The following SLC12A8 variants were observed in gnomAD, a reference collection of about 807,000 sequenced individuals.
The protein encoded by SLC12A8 is solute carrier family 12 member 8.
A neutral mutation model predicts 75.6 loss-of-function variants in SLC12A8; 69 were observed. The observed-to-expected ratio is 0.91, with a 90% CI of 0.75 to 1.11. SLC12A8 has a LOEUF of 1.11. Among genes scored for constraint, SLC12A8 ranks in the 50% most tolerant of loss-of-function variants. The pLI is 0.00. For missense variants in SLC12A8, 877 were observed against 896.7 expected, an observed-to-expected ratio of 0.98 and a Z score of 0.28; for synonymous variants, 365 against 372.8, an observed-to-expected ratio of 0.98 and a Z score of 0.24.
chr3:125,146,159 T>A (rs1933769218), intron 5 of SLC12A8, among the ~76,000 whole-genome samples: 1 of 152,256 alleles, frequency 6.6e-6, no homozygotes, highest in Non-Finnish European at 1.5e-5. Flanking sequence ...ATACTATTTT[T>A]ATCTATTTTT....
chr3:125,137,551 A>G (rs2107762171), intron 5 of SLC12A8, among the ~76,000 whole-genome samples: 1 of 152,186 alleles, frequency 6.6e-6, no homozygotes, highest in Non-Finnish European at 1.5e-5. Flanking sequence ...ACTAATGTGC[A>G]GGTCGGAAAG....
chr3:125,184,217 T>C (rs189988292), intron 4 of SLC12A8, among the ~76,000 whole-genome samples: 1 of 151,920 alleles, frequency 6.6e-6, no homozygotes, highest in East Asian at 2.0e-4. Context: ...GTGATCCACC[T>C]GCCTTGACCT....
In SLC12A8 at chr3:125,091,439, C is replaced by T. The variant is rs200996411; in HGVS notation, c.1921G>A (p.Gly641Arg). ...GTGGCAAAATGGCTCTGCTGCTTACCAAGGTGAAGCCCTGGACTGGCCCGG... is the reference window on the plus strand; with the variant it reads ...GTGGCAAAATGGCTCTGCTGCTTACTAAGGTGAAGCCCTGGACTGGCCCGG... ...IGRASPGLHLGSASNFSFFRW... is the reference protein window; with the variant it reads ...IGRASPGLHLRSASNFSFFRW... Residue 641 changes from glycine to arginine, a missense_variant and splice_region_variant, in exon 12 of 14, where the codon GGA (glycine) becomes AGA (arginine). Gly to Arg is a moderately radical substitution (Grantham distance 125). Coordinates refer to ENST00000469902, the MANE Select transcript of SLC12A8 (RefSeq NM_024628.6). 735 of 1,611,016 alleles carry T rather than the reference C, an allele frequency of 4.6e-4. No individual in the cohort carries two copies. The highest frequency in any genetic ancestry group is 6.0e-4 in the Non-Finnish European group (711 of 1,177,480).
chr3:125,104,386 G>A (rs1268822056), intron 10 of SLC12A8, among the ~76,000 whole-genome samples: 1 of 151,974 alleles, frequency 6.6e-6, no homozygotes, highest in Admixed American at 6.6e-5. Flanking sequence ...TGGGATTACA[G>A]GTATGAGCCA....
At chr3:125,123,942 T>A (rs1036609833) in intron 6 of SLC12A8, among the ~76,000 whole-genome samples, 1 of 152,178 alleles carries the variant, frequency 6.6e-6, no homozygotes, top group African/African-American at 2.4e-5. Flanking sequence ...CACAGCAATA[T>A]ATGCTTCTGT....
At chr3:125,108,392 CG>C (rs1939098373) in intron 9 of SLC12A8, among the ~76,000 whole-genome samples, 1 of 151,038 alleles carries the variant, frequency 6.6e-6, no homozygotes, top group Admixed American at 6.6e-5. Flanking sequence ...TTTTTGAGAC[CG>C]GGTCTGGCTC....
chr3:125,187,330 G>T lies in SLC12A8; in HGVS notation c.297C>A (p.Ser99Arg). 1 of 1,614,236 alleles carries T rather than the reference G, an allele frequency of 6.2e-7. No individual in the cohort carries two copies. The highest frequency in any genetic ancestry group is 1.3e-5 in the African/African-American group (1 of 75,066). ...VLSGIGVGER[S>R]SIGSGGVYSM... ...AGTAGACGCCACCGCTGCCGATGCT[G>T]CTGCGCTCCCCGACGCCAATGCCAG... Residue 99 changes from serine to arginine, a missense_variant, in exon 4 of 14, where the codon AGC becomes AGA. Physicochemically the swap from Ser to Arg is moderately radical, Grantham distance 110. Coordinates refer to ENST00000469902, the MANE Select transcript of SLC12A8 (RefSeq NM_024628.6).
intron 5 of SLC12A8, among the ~76,000 whole-genome samples, chr3:125,173,555 A>G (rs1934454796): frequency 6.6e-6 from 1 of 152,148 alleles, no homozygotes; most frequent in Non-Finnish European, 1.5e-5. Flanking sequence ...ATGTCAAACA[A>G]AACTTCTAGA....
intron 10 of SLC12A8, among the ~76,000 whole-genome samples, chr3:125,101,176 TCTGA>T (rs911169987): frequency 6.6e-6 from 1 of 152,212 alleles, no homozygotes; most frequent in African/African-American, 2.4e-5. Context: ...GGGTTCAAAT[TCTGA>T]CTGTCTCCTA....
At chr3:125,097,632 CA>C (rs1257243015) in intron 10 of SLC12A8, among the ~76,000 whole-genome samples, 2 of 151,188 alleles carry the variant, frequency 1.3e-5, no homozygotes, top group Admixed American at 6.6e-5. Flanking sequence ...TAGGCAGCCA[CA>C]ATGCTGTTTT....
At chr3:125,194,083 G>A (rs138381241) in intron 2 of SLC12A8, among the ~76,000 whole-genome samples, 17 of 152,360 alleles carry the variant, frequency 1.1e-4, no homozygotes, top group Middle Eastern at 3.4e-3. Context: ...AGAGGATGAG[G>A]GGGATAAGAA....
intron 8 of SLC12A8, among the ~76,000 whole-genome samples, chr3:125,116,525 G>C (rs1266721553): frequency 6.6e-6 from 1 of 152,130 alleles, no homozygotes; most frequent in African/African-American, 2.4e-5. Context: ...CATTAGGTGT[G>C]GGATTTCCAC....
chr3:125,141,166 G>T (rs928693594), intron 5 of SLC12A8, among the ~76,000 whole-genome samples: 1 of 148,560 alleles, frequency 6.7e-6, no homozygotes, highest in African/African-American at 2.5e-5. Flanking sequence ...ACAAAAAGGG[G>T]GGTGGGGTGG....
At chr3:125,174,515 A>G (rs1579523950) in intron 5 of SLC12A8, among the ~76,000 whole-genome samples, 1 of 152,348 alleles carries the variant, frequency 6.6e-6, no homozygotes, top group African/African-American at 2.4e-5. Context: ...GTATCCTCAC[A>G]AAAACCTGAA....
intron 5 of SLC12A8, among the ~76,000 whole-genome samples, chr3:125,159,537 G>A (rs1470882873): frequency 6.6e-6 from 1 of 152,258 alleles, no homozygotes; most frequent in African/African-American, 2.4e-5. Flanking sequence ...TCAGCAGAGA[G>A]AAAATCTGAG....
chr3:125,205,574 T>C (rs1047709496), intron 2 of SLC12A8, among the ~76,000 whole-genome samples: 1 of 152,208 alleles, frequency 6.6e-6, no homozygotes, highest in Admixed American at 6.5e-5. Flanking sequence ...GATGTCAGTG[T>C]GCATATGAAA....
intron 8 of SLC12A8, among the ~76,000 whole-genome samples, chr3:125,112,126 C>T (rs1939203111): frequency 6.6e-6 from 1 of 152,170 alleles, no homozygotes; most frequent in South Asian, 2.1e-4. Flanking sequence ...GTACTCTCTC[C>T]CTTCAAGACC....
intron 6 of SLC12A8, chr3:125,125,981 G>A: frequency 1.0e-6 from 1 of 974,896 alleles, no homozygotes; most frequent in Non-Finnish European, 1.2e-6. Context: ...TGGATTGATG[G>A]CATTTCTGGG....
chr3:125,092,243 TCTA>T (rs1938600102), intron 10 of SLC12A8, 45 bp from the exon 11 acceptor site: 1 of 1,417,384 alleles, frequency 7.1e-7, no homozygotes, highest in Non-Finnish European at 9.9e-7. Context: ...CTATCAACTC[TCTA>T]CTGTTTTTTA....
Sources: allele counts gnomAD v4.1 joint callset (sites outside exome capture counted in the v4.1 genomes callset), GRCh38; gene constraint gnomAD v4.1.1; transcripts MANE v1.5; gene names NCBI Gene and HGNC (gene_info 2026-07-23, HGNC 2026-07-21).